The following B4GALT6 variants were observed in gnomAD, a reference collection of about 807,000 sequenced individuals.
B4GALT6 encodes the protein UDP-Gal:beta-GlcNAc beta-1,4-galactosyltransferase 6.
Under a neutral mutation model 46.3 loss-of-function variants are expected in B4GALT6, and 14 were observed. The ratio of observed to expected loss-of-function variants is 0.30; its 90% CI spans 0.20 to 0.47. The LOEUF (loss-of-function observed/expected upper bound fraction) is 0.47, where lower values mean the gene tolerates loss of function less well. Ranked by LOEUF, B4GALT6 falls within the 20% of genes least tolerant of loss-of-function variation. The pLI, the probability that B4GALT6 is intolerant of heterozygous loss-of-function variation, is 0.99. For synonymous variants in B4GALT6, 168 were observed against 162.0 expected (o/e 1.04, Z -0.28); for missense variants, 386 against 480.1 (o/e 0.80, Z 1.83).
chr18:31,627,418 T>C (rs2073714999), intron 6 of B4GALT6, among the ~76,000 whole-genome samples: 1 of 152,092 alleles, frequency 6.6e-6, no homozygotes, highest in Admixed American at 6.5e-5. Context: ...TGCCCCCAAA[T>C]TGTATATTTT....
At chr18:31,711,306 C>T in the B4GALT6 span, among the ~76,000 whole-genome samples, 1 of 152,058 alleles carries the variant, frequency 6.6e-6, no homozygotes, top group African/African-American at 2.4e-5. Context: ...GTTGATTATA[C>T]AGGTAAATTC....
At chr18:31,704,046 AACT>A in the B4GALT6 span, among the ~76,000 whole-genome samples, 1 of 152,242 alleles carries the variant, frequency 6.6e-6, no homozygotes, top group East Asian at 1.9e-4. Context: ...CAACAGCAAA[AACT>A]TAATGTGAAA....
chr18:31,656,715 T>C (rs1443521859), intron 3 of B4GALT6, among the ~76,000 whole-genome samples: 1 of 152,102 alleles, frequency 6.6e-6, no homozygotes, highest in Non-Finnish European at 1.5e-5. Context: ...AAGGTCATAA[T>C]TTTAAACTTC....
chr18:31,688,419 T>G (rs2030004827), upstream of B4GALT6, among the ~76,000 whole-genome samples: 1 of 151,764 alleles, frequency 6.6e-6, no homozygotes, highest in Non-Finnish European at 1.5e-5. Context: ...TTAAATGTCT[T>G]ACATTTCAGA....
chr18:31,707,231 CTTT>C, the B4GALT6 span, among the ~76,000 whole-genome samples: 17 of 140,030 alleles, frequency 1.2e-4, no homozygotes, highest in East Asian at 4.1e-4. Flanking sequence ...TCTTTTCTTT[CTTT>C]TTTTTTTTTT....
At chr18:31,652,288 G>A (rs751261065) in intron 3 of B4GALT6, among the ~76,000 whole-genome samples, 13 of 152,012 alleles carry the variant, frequency 8.6e-5, no homozygotes, top group Middle Eastern at 3.2e-3. Flanking sequence ...TACTGAATTC[G>A]TGCTTGCTGT....
chr18:31,654,834 T>A (rs976301931), intron 3 of B4GALT6, among the ~76,000 whole-genome samples: 2 of 152,256 alleles, frequency 1.3e-5, no homozygotes, highest in Non-Finnish European at 2.9e-5. Context: ...TAAGATTTTA[T>A]ACTTATGTAT....
intron 5 of B4GALT6, among the ~76,000 whole-genome samples, chr18:31,632,472 T>C (rs2144514837): frequency 6.6e-6 from 1 of 152,324 alleles, no homozygotes; most frequent in East Asian, 1.9e-4. Flanking sequence ...TCCATCTCCA[T>C]CCAAGAGCAA....
chr18:31,699,731 T>C, the B4GALT6 span, among the ~76,000 whole-genome samples: 3 of 150,878 alleles, frequency 2.0e-5, no homozygotes, highest in Non-Finnish European at 4.4e-5. Flanking sequence ...ATGGTGACCA[T>C]TGAATCAATA....
chr18:31,652,465 CCTT>C (rs1183172702), intron 3 of B4GALT6, among the ~76,000 whole-genome samples: 57 of 152,104 alleles, frequency 3.7e-4, no homozygotes, highest in Non-Finnish European at 6.9e-4. Flanking sequence ...TCCTGTCTCC[CCTT>C]CTTCTGTTAA....
intron 4 of B4GALT6, among the ~76,000 whole-genome samples, chr18:31,643,759 T>C (rs1470917477): frequency 6.6e-6 from 1 of 152,220 alleles, no homozygotes; most frequent in African/African-American, 2.4e-5. Context: ...ATCCATCTGG[T>C]ATAGATCACT....
chr18:31,685,474 G>A (rs1375308908), upstream of B4GALT6, among the ~76,000 whole-genome samples: 1 of 151,334 alleles, frequency 6.6e-6, no homozygotes, highest in Non-Finnish European at 1.5e-5. Flanking sequence ...AACTCGGCAG[G>A]CGGCGCTGCG....
At chr18:31,644,146 C>T (rs2073962911) in intron 4 of B4GALT6, among the ~76,000 whole-genome samples, 1 of 152,120 alleles carries the variant, frequency 6.6e-6, no homozygotes. Context: ...AAATGTTTTG[C>T]TAAAATTGGT....
intron 3 of B4GALT6, among the ~76,000 whole-genome samples, chr18:31,649,600 A>G (rs2144603739): frequency 6.6e-6 from 1 of 152,132 alleles, no homozygotes; most frequent in East Asian, 1.9e-4. Flanking sequence ...AAAAATGAGC[A>G]AAAGATACTA....
the B4GALT6 span, among the ~76,000 whole-genome samples, chr18:31,696,273 T>A: frequency 6.6e-6 from 1 of 152,112 alleles, no homozygotes; most frequent in Non-Finnish European, 1.5e-5. Flanking sequence ...GGAAGACAGG[T>A]AACATGATCC....
intron 1 of B4GALT6, among the ~76,000 whole-genome samples, chr18:31,670,910 AC>A (rs2074346717): frequency 6.6e-6 from 1 of 151,518 alleles, no homozygotes; most frequent in Middle Eastern, 3.4e-3. Context: ...TAGTCCCCCA[AC>A]CCCCGAGAGG....
At chr18:31,693,460 GATATA>G in the B4GALT6 span, among the ~76,000 whole-genome samples, 21 of 152,208 alleles carry the variant, frequency 1.4e-4, no homozygotes, top group East Asian at 7.7e-4. Flanking sequence ...GCAAATGGGA[GATATA>G]ATATACCTAA....
intron 5 of B4GALT6, among the ~76,000 whole-genome samples, chr18:31,631,811 T>C (rs2073795372): frequency 6.6e-6 from 1 of 152,142 alleles, no homozygotes; most frequent in South Asian, 2.1e-4. Flanking sequence ...CAAAAAACAA[T>C]TGGAACTTAC....
chr18:31,722,312 C>T, the B4GALT6 span, among the ~76,000 whole-genome samples: 3 of 152,074 alleles, frequency 2.0e-5, no homozygotes, highest in Non-Finnish European at 4.4e-5. Context: ...CACATACACA[C>T]GTATTCTCTG....
Sources: gnomAD v4.1 joint callset for allele counts (sites outside exome capture counted in the v4.1 genomes callset) on GRCh38, gnomAD v4.1.1 for gene constraint, MANE v1.5 for transcripts, NCBI Gene and HGNC (gene_info 2026-07-23, HGNC 2026-07-21) for gene names.